SPTBN1: variants seen among roughly 807,000 people sequenced by gnomAD.
SPTBN1 encodes spectrin beta, non-erythrocytic 1.
In SPTBN1, 32 loss-of-function variants were observed where a neutral mutation model predicts 266.4. The ratio of observed to expected loss-of-function variants is 0.12; its 90% CI spans 0.09 to 0.16. The LOEUF is 0.16. SPTBN1 is among the 10% of genes least tolerant of loss of function. The pLI, the probability that SPTBN1 is intolerant of heterozygous loss-of-function variation, is 1.00. For missense variants in SPTBN1, 2,296 were observed against 3,067.1 expected, an observed-to-expected ratio of 0.75 and a Z score of 5.94; for synonymous variants, 1,336 against 1,162.2, an observed-to-expected ratio of 1.15 and a Z score of -3.04.
At chr2:54,602,370 T>C (rs1676552515) in intron 3 of SPTBN1, among the ~76,000 whole-genome samples, 1 of 152,116 alleles carries the variant, frequency 6.6e-6, no homozygotes, top group Non-Finnish European at 1.5e-5. Flanking sequence ...AGCGTTGACA[T>C]GTGGAGAGAG....
At chr2:54,589,048 C>T (rs181580998) in intron 2 of SPTBN1, among the ~76,000 whole-genome samples, 2 of 152,224 alleles carry the variant, frequency 1.3e-5, no homozygotes, top group Admixed American at 6.5e-5. Context: ...TATCCATCCC[C>T]TCAAGCATTT....
intron 5 of SPTBN1, 100 bp from the exon 6 acceptor site, chr2:54,617,508 T>C (rs1479429740): frequency 1.9e-6 from 2 of 1,061,306 alleles, no homozygotes. Context: ...CTTTAGGTTT[T>C]ACAATGCTTA....
In SPTBN1 at chr2:54,649,560, A is replaced by G. The variant is rs1259480640; in HGVS notation, c.5203-55A>G. 2.5e-6 allele frequency: 4 copies of G among 1,574,280 alleles called. No individual in the cohort carries two copies. The East Asian group carries it at 9.0e-5, about 36-fold the overall frequency. ...TTTCCAAAGGGTATTCATGTGATCA[A>G]GAAATACAGAGTTCACAGTGGGCTC... On this transcript the variant is annotated intron_variant, in intron 25 of 35. Transcript: ENST00000356805. The surrounding 1 kb of genome is among the most constrained non-coding windows in gnomAD (Gnocchi z 6.7).
intron 1 of SPTBN1, among the ~76,000 whole-genome samples, chr2:54,486,727 AT>A (rs1668415768): frequency 1.3e-5 from 2 of 151,580 alleles, no homozygotes; most frequent in Non-Finnish European, 2.9e-5. Flanking sequence ...TTAAAAAAAA[AT>A]AATAAATTAA....
At chr2:54,529,410 T>C (rs752838782) in intron 2 of SPTBN1, 10 of 698,034 alleles carry the variant, frequency 1.4e-5, no homozygotes, top group Non-Finnish European at 2.4e-5. Flanking sequence ...GCAAAGGCTT[T>C]AAAGGCCAAG....
At chr2:54,665,457 G>C (rs1470137683) in intron 33 of SPTBN1, among the ~76,000 whole-genome samples, 1 of 152,200 alleles carries the variant, frequency 6.6e-6, no homozygotes, top group Non-Finnish European at 1.5e-5. Flanking sequence ...TGTAAGTGCT[G>C]ATGGCTCTGG....
At chr2:54,619,203 G>T (rs1677833560) in intron 7 of SPTBN1, among the ~76,000 whole-genome samples, 1 of 152,218 alleles carries the variant, frequency 6.6e-6, no homozygotes, top group East Asian at 1.9e-4. Context: ...CAGGCTTCTT[G>T]CTATTTTCCA....
chr2:54,539,189 C>T (rs1032921412), intron 2 of SPTBN1, among the ~76,000 whole-genome samples: 2 of 152,136 alleles, frequency 1.3e-5, no homozygotes, highest in Admixed American at 1.3e-4. Context: ...TTCCACATTC[C>T]CTACAAGCAC....
At chr2:54,506,041 G>A (rs866271132) in intron 1 of SPTBN1, among the ~76,000 whole-genome samples, 20 of 151,968 alleles carry the variant, frequency 1.3e-4, no homozygotes, top group African/African-American at 4.1e-4. Context: ...GGAGAATGGC[G>A]TCAACCCGGG....
chr2:54,496,857 G>A (rs535543826), intron 1 of SPTBN1, among the ~76,000 whole-genome samples: 2 of 152,176 alleles, frequency 1.3e-5, no homozygotes, highest in African/African-American at 4.8e-5. Flanking sequence ...TTTATCCTAT[G>A]AAGATAATTG....
intron 1 of SPTBN1, among the ~76,000 whole-genome samples, chr2:54,501,937 T>C (rs1415931947): frequency 2.0e-5 from 3 of 152,168 alleles, no homozygotes; most frequent in Non-Finnish European, 4.4e-5. Context: ...CCCTGAAAAT[T>C]TGTGTTGGGA....
chr2:54,597,233 A>T (rs1676148879), intron 2 of SPTBN1, among the ~76,000 whole-genome samples: 1 of 152,186 alleles, frequency 6.6e-6, no homozygotes. Flanking sequence ...TGCACCTTAC[A>T]TATTCTGCTC....
chr2:54,625,949 C>T lies in SPTBN1; in HGVS notation c.1359C>T (p.Asp453=), dbSNP rs143022965. 632 of 1,613,592 alleles carry T rather than the reference C, an allele frequency of 3.9e-4. 4 individuals carry two copies. The highest frequency in any genetic ancestry group is 7.3e-5 in the Non-Finnish European group (86 of 1,179,640). Residue 453 remains aspartate (D), a synonymous_variant, in exon 12 of 36, where the codon GAC becomes GAT. Coordinates refer to ENST00000356805, the MANE Select transcript of SPTBN1 (RefSeq NM_003128.3). Reference sequence around the variant, plus strand: ...CTCTGTAGGACAACTTTGGGTTTGACCTTCCTGCAGTTGAGGCCGCCACAA... The same window carrying T: ...CTCTGTAGGACAACTTTGGGTTTGATCTTCCTGCAGTTGAGGCCGCCACAA... ...RLVSQDNFGF[D]LPAVEAATKK... is the part of the protein sequence containing the mutation.
Position 54,558,480 on chromosome 2 carries a change from C to T in SPTBN1, c.148+31914C>T, listed in dbSNP as rs1159316925. 8 of 1,123,232 alleles carry T rather than the reference C, an allele frequency of 7.1e-6. No individual in the cohort carries two copies. The highest frequency in any genetic ancestry group is 3.5e-5 in the South Asian group (1 of 28,628). 69.6% of individuals were successfully genotyped at this position (1,123,232 alleles called of 1,614,324 possible). A position where few individuals can be genotyped will look rare whatever the true frequency, so the allele number is the denominator to read the frequency against. ...CATATTTAAAAGTTCTGAAGTAGAA[C>T]CTGCGCCTCCTCTCTGCTTCTCCCT... On this transcript the variant is annotated intron_variant, in intron 2 of 35. Coordinates refer to ENST00000356805, the MANE Select transcript of SPTBN1 (RefSeq NM_003128.3). The surrounding 1 kb of genome is among the most constrained non-coding windows in gnomAD (Gnocchi z 4.6).
At chr2:54,492,314 T>A (rs1418610318) in intron 1 of SPTBN1, among the ~76,000 whole-genome samples, 1 of 151,586 alleles carries the variant, frequency 6.6e-6, no homozygotes, top group Non-Finnish European at 1.5e-5. Flanking sequence ...TGTGCCCTAT[T>A]ACTGGACATT....
chr2:54,605,736 G>A (rs1676791950), intron 3 of SPTBN1, among the ~76,000 whole-genome samples: 1 of 152,234 alleles, frequency 6.6e-6, no homozygotes, highest in African/African-American at 2.4e-5. Context: ...GTGGGAGTGT[G>A]TGGTGTACTT....
At chr2:54,469,402 G>A (rs1693804174) in intron 1 of SPTBN1, among the ~76,000 whole-genome samples, 2 of 152,206 alleles carry the variant, frequency 1.3e-5, no homozygotes, top group African/African-American at 4.8e-5. Flanking sequence ...AAAGGTCAGT[G>A]TTGGCCCTTT....
At chr2:54,660,172 AT>A in intron 32 of SPTBN1, 173 bp downstream of exon 32, 1 of 1,514,522 alleles carries the variant, frequency 6.6e-7, no homozygotes, top group Non-Finnish European at 8.9e-7. Flanking sequence ...AAATGTTAAA[AT>A]TTTTACTTAA....
chr2:54,502,691 G>GT (rs1669335849), intron 1 of SPTBN1, among the ~76,000 whole-genome samples: 1 of 152,146 alleles, frequency 6.6e-6, no homozygotes, highest in African/African-American at 2.4e-5. Flanking sequence ...CTTTCCTGGG[G>GT]GTTTTTTTGT....
Sources: gnomAD v4.1 joint callset for allele counts (sites outside exome capture counted in the v4.1 genomes callset) on GRCh38, gnomAD v4.1.1 for gene constraint, Gnocchi (gnomAD v3.1) non-coding constraint, MANE v1.5 for transcripts, NCBI Gene and HGNC (gene_info 2026-07-23, HGNC 2026-07-21) for gene names.